The following LRRFIP2 variants were observed in gnomAD, a reference collection of about 807,000 sequenced individuals.
LRRFIP2 encodes the protein leucine-rich repeat flightless-interacting protein 2.
A neutral mutation model predicts 125.9 loss-of-function variants in LRRFIP2; 109 were observed. That is an observed-to-expected ratio of 0.87 (90% CI 0.74 to 1.01). The LOEUF (loss-of-function observed/expected upper bound fraction) is 1.01, where lower values mean the gene tolerates loss of function less well. Ranked by LOEUF, LRRFIP2 falls within the 50% of genes least tolerant of loss-of-function variation. The pLI is 0.00. For synonymous variants in LRRFIP2, 291 were observed against 293.1 expected (o/e 0.99, Z 0.07); for missense variants, 850 against 862.3 (o/e 0.99, Z 0.18).
At chr3:37,144,719 A>G (rs988361083) in intron 2 of LRRFIP2, among the ~76,000 whole-genome samples, 2 of 152,240 alleles carry the variant, frequency 1.3e-5, no homozygotes, top group African/African-American at 4.8e-5. Context: ...CAAATTTACA[A>G]TTCATAATTT....
At chr3:37,167,753 G>A (rs1478161812) in intron 1 of LRRFIP2, among the ~76,000 whole-genome samples, 2 of 152,138 alleles carry the variant, frequency 1.3e-5, no homozygotes, top group Admixed American at 1.3e-4. Context: ...GGAGGCCAAG[G>A]CTGGCGGAGC....
intron 24 of LRRFIP2, among the ~76,000 whole-genome samples, chr3:37,063,165 T>G (rs1163757181): frequency 6.6e-6 from 1 of 152,134 alleles, no homozygotes; most frequent in Non-Finnish European, 1.5e-5. Context: ...AAACTAATAG[T>G]TCTGAGGGAG....
chr3:37,132,954 T>C lies in LRRFIP2; in HGVS notation c.91-3805A>G, dbSNP rs537439805. Among the ~76,000 whole-genome samples the C allele has an allele frequency of 2.0e-5, 3 of 152,348 alleles. No homozygotes were observed. In the East Asian group the frequency reaches 5.8e-4, roughly 29 times the overall value. ...AATTCACAGTAAAGGCTGGGCGTGG[T>C]GGCTCACGCCTGTAATCTCAGCACT... On this transcript the variant is annotated intron_variant, in intron 2 of 27. Coordinates refer to ENST00000336686, the MANE Select transcript of LRRFIP2 (RefSeq NM_006309.4).
chr3:37,101,056 C>T (rs1028111925), intron 15 of LRRFIP2, among the ~76,000 whole-genome samples: 7 of 152,032 alleles, frequency 4.6e-5, no homozygotes, highest in African/African-American at 1.4e-4. Flanking sequence ...TACTGTCTAA[C>T]GTTTCTATTA....
At chr3:37,069,440 C>T (rs2090763983) in intron 21 of LRRFIP2, among the ~76,000 whole-genome samples, 1 of 152,176 alleles carries the variant, frequency 6.6e-6, no homozygotes, top group Non-Finnish European at 1.5e-5. Flanking sequence ...ACCTTGAGGG[C>T]ATAATGCCAA....
In LRRFIP2 at chr3:37,110,993, G is replaced by T. The variant is rs145622200; in HGVS notation, c.511C>A (p.Arg171=). 8 of 1,613,210 alleles carry T rather than the reference G, an allele frequency of 5.0e-6. No homozygotes were observed. The highest frequency in any genetic ancestry group is 2.2e-5 in the South Asian group (2 of 91,018). ...HSKPTSAYYT[R]QSSSLYSDPL... Reference sequence around the variant, plus strand: ...AAGCCAAAAAAGTTTAGACAAACCCGAGTGTAGTAGGCAGAGGTGGGTTTG... The same window carrying T: ...AAGCCAAAAAAGTTTAGACAAACCCTAGTGTAGTAGGCAGAGGTGGGTTTG... Residue 171 remains arginine, a splice_region_variant and synonymous_variant, in exon 9 of 28, where the codon CGG becomes AGG. Coordinates refer to ENST00000336686, the MANE Select transcript of LRRFIP2 (RefSeq NM_006309.4).
At position 37,108,590 on chromosome 3, in the gene LRRFIP2, C is replaced by T. The variant is rs182997836; in HGVS notation, c.657+47G>A. ...TTTTTCTTTGAAAGTAAACTGTGCC[C>T]ACCCACATTTCCCTCCTCTTCACCA... is the stretch of plus-strand genomic sequence containing the variant. On this transcript the variant is annotated intron_variant, in intron 12 of 27. Transcript: ENST00000336686. 7,129 of 1,467,846 alleles carry T rather than the reference C, an allele frequency of 4.9e-3. 57 individuals carry two copies. Among genetic ancestry groups the T allele is most frequent in the Middle Eastern group, 0.032 (181 of 5,700 alleles). The allele number at this position is 1,467,846 out of a possible 1,614,324, so 90.9% of individuals were successfully genotyped here.
At chr3:37,084,775 T>C (rs1244086106) in intron 18 of LRRFIP2, among the ~76,000 whole-genome samples, 1 of 152,180 alleles carries the variant, frequency 6.6e-6, no homozygotes, top group African/African-American at 2.4e-5. Flanking sequence ...CAAAATTTTC[T>C]GCCTAAAATA....
chr3:37,067,143 G>T (rs2090314496), intron 21 of LRRFIP2: 1 of 152,190 alleles, frequency 6.6e-6, no homozygotes, highest in Admixed American at 6.5e-5. Flanking sequence ...AAGGGCAGAG[G>T]CATAAATCAA....
intron 1 of LRRFIP2, among the ~76,000 whole-genome samples, chr3:37,165,691 G>GC (rs2096462713): frequency 6.6e-6 from 1 of 151,486 alleles, no homozygotes; most frequent in South Asian, 2.1e-4. Context: ...GGTGGTGGAG[G>GC]TTGCAGTGAG....
rs148093225 is a variant in LRRFIP2, at chr3:37,078,632, C to A, written c.1279-3516G>T. On this transcript the variant is annotated intron_variant, in intron 19 of 27. Transcript: ENST00000336686. ...GTTAAAAACAAAAAAAAACTTCACA[C>A]ACATATTTCCCAAATTTATCCACTG... 4.0e-3 allele frequency among the ~76,000 whole-genome samples: 604 copies of A among 152,264 alleles called. 3 individuals are homozygous for A. The highest frequency in any genetic ancestry group is 6.6e-3 in the Non-Finnish European group (447 of 68,026).
At chr3:37,118,666 A>C (rs545439726) in intron 6 of LRRFIP2, among the ~76,000 whole-genome samples, 1 of 152,320 alleles carries the variant, frequency 6.6e-6, no homozygotes, top group African/African-American at 2.4e-5. Context: ...CCTTTCAAAA[A>C]GATAGTATAT....
intron 1 of LRRFIP2, chr3:37,154,639 A>T (rs1211662970): frequency 1.2e-4 from 18 of 152,256 alleles, no homozygotes; most frequent in Admixed American, 1.2e-3. Flanking sequence ...TATCTTCAGG[A>T]TCTTGCAGAA....
intron 25 of LRRFIP2, among the ~76,000 whole-genome samples, chr3:37,057,327 C>T (rs2087169240): frequency 6.6e-6 from 1 of 152,186 alleles, no homozygotes; most frequent in Non-Finnish European, 1.5e-5. Context: ...TGAACTGGTT[C>T]AGGCTCACCA....
chr3:37,167,165 C>G (rs1031368954), intron 1 of LRRFIP2, among the ~76,000 whole-genome samples: 14 of 146,116 alleles, frequency 9.6e-5, no homozygotes, highest in African/African-American at 3.6e-4. Flanking sequence ...ACACTACACT[C>G]CAGCCTGGGT....
chr3:37,163,789 G>A (rs943177927), intron 1 of LRRFIP2, among the ~76,000 whole-genome samples: 1 of 152,306 alleles, frequency 6.6e-6, no homozygotes, highest in South Asian at 2.1e-4. Flanking sequence ...TTGCAGGCTT[G>A]AGCAGAGAAT....
chr3:37,152,447 ATT>A (rs967473307), intron 1 of LRRFIP2, among the ~76,000 whole-genome samples: 1 of 147,864 alleles, frequency 6.8e-6, no homozygotes, highest in African/African-American at 2.5e-5. Flanking sequence ...TATTGAAATA[ATT>A]TTTTTTTTTT....
intron 1 of LRRFIP2, among the ~76,000 whole-genome samples, chr3:37,168,767 A>C (rs1251162122): frequency 6.6e-6 from 1 of 152,188 alleles, no homozygotes; most frequent in Non-Finnish European, 1.5e-5. Flanking sequence ...GAGCTGTCCT[A>C]TACACGTGTG....
At position 37,058,775 on chromosome 3, in the gene LRRFIP2, TC is replaced by T; in HGVS notation, c.1870+14del. On this transcript the variant is annotated intron_variant, in intron 25 of 27. Transcript: ENST00000336686. ...CTATATACAGACTGGGACTGGCCTG[TC>T]CCCTGGTACCTACTCTGCATTTCGA... 6.2e-7 allele frequency: 1 copy of T among 1,613,688 alleles called. No individual in the cohort carries two copies.
Sources: gnomAD v4.1 joint callset for allele counts (sites outside exome capture counted in the v4.1 genomes callset) on GRCh38, gnomAD v4.1.1 for gene constraint, MANE v1.5 for transcripts, NCBI Gene and HGNC (gene_info 2026-07-23, HGNC 2026-07-21) for gene names.